RABGEF1: variants seen among roughly 807,000 people sequenced by gnomAD.
RABGEF1 encodes the protein RAB guanine nucleotide exchange factor 1.
Under a neutral mutation model 57.3 loss-of-function variants are expected in RABGEF1, and 26 were observed. The observed-to-expected ratio is 0.45, with a 90% CI of 0.33 to 0.63. The LOEUF is 0.63. RABGEF1 is among the 20% of genes least tolerant of loss of function. The pLI is 0.02. For missense variants in RABGEF1, 464 were observed against 607.6 expected, an observed-to-expected ratio of 0.76 and a Z score of 2.48; for synonymous variants, 185 against 210.7, an observed-to-expected ratio of 0.88 and a Z score of 1.06.
At chr7:66,701,844 C>G (rs889997240) in intron 1 of RABGEF1, among the ~76,000 whole-genome samples, 6 of 152,032 alleles carry the variant, frequency 3.9e-5, no homozygotes, top group Non-Finnish European at 8.8e-5. Flanking sequence ...TGACTATTTT[C>G]TTATAAGTCT....
intron 2 of RABGEF1, among the ~76,000 whole-genome samples, chr7:66,727,670 G>C (rs547911478): frequency 6.6e-6 from 1 of 152,348 alleles, no homozygotes; most frequent in Admixed American, 6.5e-5. Context: ...CATGCTCCCA[G>C]CCAGGCTTCT....
chr7:66,661,238 G>T, the RABGEF1 span, among the ~76,000 whole-genome samples: 2 of 139,942 alleles, frequency 1.4e-5, no homozygotes, highest in Non-Finnish European at 3.0e-5. Flanking sequence ...GGCTGAGCTT[G>T]CAGTCAGCCG....
chr7:66,676,627 G>A, the RABGEF1 span, among the ~76,000 whole-genome samples: 3 of 152,096 alleles, frequency 2.0e-5, no homozygotes, highest in East Asian at 1.9e-4. Flanking sequence ...TCATTCTGTC[G>A]CCCAGGCTGG....
chr7:66,751,055 GTC>G (rs1801301445), intron 1 of RABGEF1, among the ~76,000 whole-genome samples: 2 of 145,476 alleles, frequency 1.4e-5, no homozygotes, highest in African/African-American at 2.6e-5. Flanking sequence ...TTGAGACGGA[GTC>G]TCTCACATTG....
intron 2 of RABGEF1, among the ~76,000 whole-genome samples, chr7:66,727,659 C>T (rs1265864504): frequency 5.3e-5 from 8 of 152,218 alleles, no homozygotes; most frequent in Non-Finnish European, 4.4e-5. Flanking sequence ...GAAGGCCGGC[C>T]CATGCTCCCA....
intron 1 of RABGEF1, among the ~76,000 whole-genome samples, chr7:66,762,518 G>A (rs1269983460): frequency 6.6e-6 from 1 of 152,068 alleles, no homozygotes; most frequent in Admixed American, 6.5e-5. Flanking sequence ...TGAGCCTGGG[G>A]AGGTCGAGTG....
chr7:66,794,207 ATTT>A (rs1174835014), intron 4 of RABGEF1, among the ~76,000 whole-genome samples: 243 of 91,078 alleles, frequency 2.7e-3, no homozygotes, highest in African/African-American at 8.3e-3. Context: ...TCCATGTTTA[ATTT>A]TTTTTTTTTT....
intron 2 of RABGEF1, among the ~76,000 whole-genome samples, chr7:66,714,999 C>T (rs1416266365): frequency 6.6e-6 from 1 of 151,586 alleles, no homozygotes; most frequent in Non-Finnish European, 1.5e-5. Context: ...TCGTCGTCCT[C>T]CTCCTCCTCC....
At chr7:66,800,840 G>C (rs531198713) in intron 7 of RABGEF1, among the ~76,000 whole-genome samples, 1 of 152,338 alleles carries the variant, frequency 6.6e-6, no homozygotes, top group South Asian at 2.1e-4. Flanking sequence ...ACAGCTGGTA[G>C]CGAGTGTTTG....
chr7:66,655,668 T>G, the RABGEF1 span, among the ~76,000 whole-genome samples: 1 of 152,268 alleles, frequency 6.6e-6, no homozygotes, highest in Non-Finnish European at 1.5e-5. Context: ...TCGCGCAGCT[T>G]TAACTGCTGT....
intron 1 of RABGEF1, among the ~76,000 whole-genome samples, chr7:66,765,202 A>G (rs562213948): frequency 2.0e-5 from 3 of 151,310 alleles, no homozygotes; most frequent in Admixed American, 6.6e-5. Context: ...AGGGAGTTTC[A>G]GAAATATTAC....
intron 2 of RABGEF1, 140 bp downstream of exon 2, chr7:66,772,218 T>A: frequency 5.1e-6 from 3 of 592,054 alleles, no homozygotes; most frequent in South Asian, 6.7e-5. Flanking sequence ...TGTTTTCCTC[T>A]CTTCTTCTCA....
At position 66,805,218 on chromosome 7, in the gene RABGEF1, A is replaced by C. The variant is rs144779294; in HGVS notation, c.899A>C (p.Asn300Thr). ...CITKCSKHIF[N>T]AIKITKNEPA... Reference sequence around the variant, plus strand: ...ACCAAGTGCAGCAAGCACATCTTCAATGCCATCAAGATCACCAAGAATGAG... The same window carrying C: ...ACCAAGTGCAGCAAGCACATCTTCACTGCCATCAAGATCACCAAGAATGAG... Residue 300 changes from asparagine to threonine, a missense_variant, in exon 8 of 9, where the codon AAT (asparagine) becomes ACT (threonine). Transcript: ENST00000284957. 6.2e-7 allele frequency: 1 copy of C among 1,614,160 alleles called. No homozygotes were observed. The highest frequency in any genetic ancestry group is 8.5e-7 in the Non-Finnish European group (1 of 1,179,982).
intron 1 of RABGEF1, among the ~76,000 whole-genome samples, chr7:66,748,111 G>C (rs1800649139): frequency 6.6e-6 from 1 of 152,218 alleles, no homozygotes; most frequent in African/African-American, 2.4e-5. Context: ...GATCATTTCT[G>C]CTTTGGATTC....
At chr7:66,730,511 T>C (rs1797186586) in intron 2 of RABGEF1, among the ~76,000 whole-genome samples, 1 of 152,026 alleles carries the variant, frequency 6.6e-6, no homozygotes, top group African/African-American at 2.4e-5. Flanking sequence ...GTAGAGTCTA[T>C]GCAGATTACC....
chr7:66,656,960 T>A, the RABGEF1 span, among the ~76,000 whole-genome samples: 1 of 151,398 alleles, frequency 6.6e-6, no homozygotes, highest in South Asian at 2.1e-4. Context: ...CAAGAAAATA[T>A]AATAATTTAA....
At position 66,809,413 on chromosome 7, in the gene RABGEF1, T is replaced by TG. The variant is rs1459107226; in HGVS notation, c.*133dup. 1.8e-5 allele frequency: 19 copies of TG among 1,041,792 alleles called. No individual in the cohort carries two copies. The highest frequency in any genetic ancestry group is 2.4e-5 in the Non-Finnish European group (18 of 752,684). 64.5% of individuals were successfully genotyped at this position (1,041,792 alleles called of 1,614,324 possible). On this transcript the variant is annotated 3_prime_UTR_variant, in exon 9 of 9. Transcript: ENST00000284957. ...CAGCATTTTTTAAAGGTACAGTATA[T>TG]GGGGATTGTTTCGTTTTTCCTAGCA...
At chr7:66,749,277 GC>G (rs1180822101) in intron 1 of RABGEF1, among the ~76,000 whole-genome samples, 1 of 152,182 alleles carries the variant, frequency 6.6e-6, no homozygotes, top group African/African-American at 2.4e-5. Flanking sequence ...GCTAGCAGGA[GC>G]CATGCATTGT....
chr7:66,664,077 G>GAAA, the RABGEF1 span, among the ~76,000 whole-genome samples: 12 of 77,914 alleles, frequency 1.5e-4, no homozygotes, highest in East Asian at 6.6e-4. Flanking sequence ...GTCTCAAAAA[G>GAAA]AAAAAAAAAA....
Sources: allele counts gnomAD v4.1 joint callset (sites outside exome capture counted in the v4.1 genomes callset), GRCh38; gene constraint gnomAD v4.1.1; transcripts MANE v1.5; gene names NCBI Gene and HGNC (gene_info 2026-07-23, HGNC 2026-07-21).